The following STX1A variants were observed in gnomAD, a reference collection of about 807,000 sequenced individuals.
STX1A encodes syntaxin 1A.
In STX1A, 4 loss-of-function variants were observed where a neutral mutation model predicts 37.8. That is an observed-to-expected ratio of 0.11 (90% CI 0.05 to 0.24). The LOEUF is 0.24. Ranked by LOEUF, STX1A falls within the 10% of genes least tolerant of loss-of-function variation. The pLI, the probability that STX1A is intolerant of heterozygous loss-of-function variation, is 1.00. For synonymous variants in STX1A, 135 were observed against 147.4 expected (o/e 0.92, Z 0.61); for missense variants, 251 against 399.9 (o/e 0.63, Z 3.18).
chr7:73,708,254 C>T (rs1302658010), intron 3 of STX1A, among the ~76,000 whole-genome samples: 1 of 134,764 alleles, frequency 7.4e-6, no homozygotes, highest in African/African-American at 2.8e-5. Flanking sequence ...CAGAGCAAGA[C>T]TCCATCTCAA....
intron 1 of STX1A, among the ~76,000 whole-genome samples, chr7:73,713,034 A>G (rs1296889395): frequency 1.3e-5 from 2 of 152,218 alleles, no homozygotes; most frequent in Non-Finnish European, 2.9e-5. Context: ...TCCTGTCAAG[A>G]AAAGCCCCAA....
At chr7:73,703,695 T>C in intron 7 of STX1A, 60 bp downstream of exon 7, 1 of 1,561,522 alleles carries the variant, frequency 6.4e-7, no homozygotes, top group Non-Finnish European at 8.8e-7. Flanking sequence ...GCACTAGGGG[T>C]CATGGACGTA....
intron 3 of STX1A, 84 bp downstream of exon 3, chr7:73,708,505 A>C: frequency 4.5e-6 from 6 of 1,327,450 alleles, no homozygotes; most frequent in East Asian, 2.5e-5. Flanking sequence ...TGAAGGCTGC[A>C]GAGGTCCCGT....
rs1554618857 is a variant in STX1A at position 73,717,371 on chromosome 7, C to A, written c.30+2231G>T. 1.3e-5 allele frequency among the ~76,000 whole-genome samples: 2 copies of A among 152,176 alleles called. No individual in the cohort carries two copies. The highest frequency in any genetic ancestry group is 4.8e-5 in the African/African-American group (2 of 41,444). ...CCTCTTCCTTTCTGGGGATTCTGGG[C>A]TGAAAATTCTGACTCCTGGGGCTTC... On this transcript the variant is annotated intron_variant, in intron 1 of 9. Transcript: ENST00000222812. This position sits in a 1 kb window ranked among gnomAD's most constrained non-coding sequence, Gnocchi z 4.1.
At chr7:73,708,948 G>A (rs1554617531) in intron 2 of STX1A, 97 bp downstream of exon 2, 2 of 1,341,986 alleles carry the variant, frequency 1.5e-6, no homozygotes, top group African/African-American at 2.9e-5. Context: ...GCTGAGCCAG[G>A]TGCAGGTGTG....
At position 73,702,923 on chromosome 7, in the gene STX1A, A is replaced by G. The variant is rs782495178; in HGVS notation, c.600T>C (p.Ser200=). The change falls in exon 8 of 10, where the codon AGT becomes AGC. Residue 200 remains serine (S), a synonymous_variant. Coordinates refer to ENST00000222812, the MANE Select transcript of STX1A (RefSeq NM_004603.4). This position sits in a 1 kb window ranked among gnomAD's most constrained non-coding sequence, Gnocchi z 4.7. ...QALSEIETRH[S]EIIKLENSIR... is the part of the protein sequence containing the mutation. ...TGCTGTTCTCCAGCTTGATGATCTCACTGTGCCGCGTCTCAATCTCGCTCA... is the reference window on the plus strand; with the variant it reads ...TGCTGTTCTCCAGCTTGATGATCTCGCTGTGCCGCGTCTCAATCTCGCTCA... The G allele has an allele frequency of 6.8e-6, 11 of 1,608,126 alleles. No homozygotes were observed. In the African/African-American group the frequency reaches 1.4e-4, roughly 20 times the overall value.
intron 1 of STX1A, 129 bp downstream of exon 1, chr7:73,719,473 G>T (rs1367881551): frequency 3.8e-5 from 36 of 952,098 alleles, no homozygotes; most frequent in Middle Eastern, 8.1e-4. Flanking sequence ...GGCTCGCCCC[G>T]CTCCCTTCAG....
chr7:73,702,543 G>C lies in STX1A; in HGVS notation c.678+302C>G. 1 of 733,416 alleles carries C rather than the reference G, an allele frequency of 1.4e-6. No homozygotes were observed. Among genetic ancestry groups the C allele is most frequent in the Non-Finnish European group, 2.1e-6 (1 of 475,958 alleles). The allele number at this position is 733,416 out of a possible 1,614,324, so 45.4% of individuals were successfully genotyped here. On this transcript the variant is annotated intron_variant, in intron 8 of 9. Coordinates refer to ENST00000222812, the MANE Select transcript of STX1A (RefSeq NM_004603.4). The surrounding 1 kb of genome is among the most constrained non-coding windows in gnomAD (Gnocchi z 4.7). ...GTCACTGCTATGCCTTCAGTCTCTG[G>C]GGAAATGCGTGGCCCACAGTGGCCC...
intron 3 of STX1A, among the ~76,000 whole-genome samples, chr7:73,707,550 C>T (rs1275834692): frequency 3.3e-5 from 5 of 152,318 alleles, no homozygotes; most frequent in African/African-American, 1.2e-4. Context: ...ACAGCTTCCT[C>T]CTTCCCTCCT....
intron 6 of STX1A, 36 bp downstream of exon 6, chr7:73,704,112 C>A (rs782502517): frequency 6.5e-7 from 1 of 1,544,846 alleles, no homozygotes; most frequent in Middle Eastern, 2.2e-4. Flanking sequence ...CCCCTCCAGG[C>A]TCCAGGCCCC....
intron 1 of STX1A, among the ~76,000 whole-genome samples, chr7:73,714,859 C>T (rs1554618487): frequency 6.6e-6 from 1 of 151,786 alleles, no homozygotes; most frequent in African/African-American, 2.4e-5. Context: ...GGTGCAGTGG[C>T]TCATGCCTTA....
chr7:73,701,048 C>G lies in STX1A; in HGVS notation c.679-208G>C, dbSNP rs1160160819. The G allele has an allele frequency of 6.5e-6, 6 of 929,672 alleles. 1 individual carries two copies. The African/African-American group carries it at 8.3e-5, about 13-fold the overall frequency. The allele number at this position is 929,672 out of a possible 1,614,324, so 57.6% of individuals were successfully genotyped here. A position where few individuals can be genotyped will look rare whatever the true frequency, so the allele number is the denominator to read the frequency against. On this transcript the variant is annotated intron_variant, in intron 8 of 9. Coordinates refer to ENST00000222812, the MANE Select transcript of STX1A (RefSeq NM_004603.4). ...CCCCAAGGCAGCTCCCACATTTCCC[C>G]GCAGAGCAGCAATCCTGGGGGTGGA...
In STX1A at chr7:73,716,126, G is replaced by A. The variant is rs148964826; in HGVS notation, c.30+3476C>T. 1.2e-3 allele frequency among the ~76,000 whole-genome samples: 184 copies of A among 152,370 alleles called. 1 individual carries two copies. The East Asian group carries it at 0.028, about 23-fold the overall frequency. On this transcript the variant is annotated intron_variant, in intron 1 of 9. Coordinates refer to ENST00000222812, the MANE Select transcript of STX1A (RefSeq NM_004603.4). Reference sequence around the variant, plus strand: ...TTGAACTAGATGGTCCCGGGAGGCCGTTCCACCTGCACCCCAGATGAAAAT... The same window carrying A: ...TTGAACTAGATGGTCCCGGGAGGCCATTCCACCTGCACCCCAGATGAAAAT...
At chr7:73,714,909 G>A (rs562116693) in intron 1 of STX1A, among the ~76,000 whole-genome samples, 1 of 152,228 alleles carries the variant, frequency 6.6e-6, no homozygotes, top group African/African-American at 2.4e-5. Context: ...TGGATCACCT[G>A]AGGTTAGCAG....
intron 1 of STX1A, among the ~76,000 whole-genome samples, chr7:73,712,346 C>T (rs1799134188): frequency 6.7e-6 from 1 of 150,098 alleles, no homozygotes; most frequent in Non-Finnish European, 1.5e-5. Context: ...CAACTGGTTC[C>T]TGGCCCTACA....
intron 2 of STX1A, 107 bp downstream of exon 2, chr7:73,708,938 G>T: frequency 1.6e-6 from 2 of 1,263,278 alleles, no homozygotes; most frequent in Non-Finnish European, 1.2e-6. Context: ...CCCCGGAGCT[G>T]CTGAGCCAGG....
At position 73,708,701 on chromosome 7, in the gene STX1A, G is replaced by A. The variant is rs1563574847; in HGVS notation, c.109-13C>T. ...GAATCTCCTCCACCTGCGGACCAAG[G>A]CCAGGTGGTCAGGAGAAGGAAATCA... On this transcript the variant is annotated splice_polypyrimidine_tract_variant and intron_variant, in intron 2 of 9. Coordinates refer to ENST00000222812, the MANE Select transcript of STX1A (RefSeq NM_004603.4). 8.1e-6 allele frequency: 13 copies of A among 1,612,170 alleles called. No individual in the cohort carries two copies. The highest frequency in any genetic ancestry group is 7.6e-6 in the Non-Finnish European group (9 of 1,179,038).
Position 73,719,625 on chromosome 7 carries a change from C to T in STX1A, c.7G>A (p.Asp3Asn). 8.3e-7 allele frequency: 1 copy of T among 1,201,352 alleles called. No individual in the cohort carries two copies. Among genetic ancestry groups the T allele is most frequent in the Non-Finnish European group, 1.0e-6 (1 of 962,994 alleles). The allele number at this position is 1,201,352 out of a possible 1,614,324, so 74.4% of individuals were successfully genotyped here. The stretch of plus-strand genomic sequence containing the variant: ...ACCGTGCGGAGCTCCTGGGTTCGGT[C>T]CTTCATGCTCCCGGGAGTGGCAGCG... Reference protein sequence around the residue: MKDRTQELRTAKD... With the variant: MKNRTQELRTAKD... Residue 3 changes from aspartate (D) to asparagine (N), a missense_variant, in exon 1 of 10, where the codon GAC becomes AAC. Coordinates refer to ENST00000222812, the MANE Select transcript of STX1A (RefSeq NM_004603.4).
In STX1A at chr7:73,700,906, C is replaced by A; in HGVS notation, c.679-66G>T. 6.3e-7 allele frequency: 1 copy of A among 1,597,418 alleles called. No individual in the cohort carries two copies. On this transcript the variant is annotated intron_variant, in intron 8 of 9. Transcript: ENST00000222812. The surrounding 1 kb of genome is among the most constrained non-coding windows in gnomAD (Gnocchi z 4.4). ...CTCAGGGTTGGGTTGGGGCTCGGGG[C>A]AGGACTTCAGGAAAGCACCCTGAGG...
Sources: allele counts gnomAD v4.1 joint callset (sites outside exome capture counted in the v4.1 genomes callset), GRCh38; gene constraint gnomAD v4.1.1; non-coding constraint Gnocchi (gnomAD v3.1); transcripts MANE v1.5; gene names NCBI Gene and HGNC (gene_info 2026-07-23, HGNC 2026-07-21).